TESPA1: variants seen among roughly 807,000 people sequenced by gnomAD.
TESPA1 encodes the protein thymocyte expressed, positive selection associated 1.
Under a neutral mutation model 57.9 loss-of-function variants are expected in TESPA1, and 33 were observed. The observed-to-expected ratio is 0.57, with a 90% CI of 0.43 to 0.76. The LOEUF is 0.76. Ranked by LOEUF, TESPA1 falls within the 30% of genes least tolerant of loss-of-function variation. The pLI, the probability that TESPA1 is intolerant of heterozygous loss-of-function variation, is 0.00. For synonymous variants in TESPA1, 227 were observed against 228.9 expected, an observed-to-expected ratio of 0.99 and a Z score of 0.07; for missense variants, 618 against 632.9, an observed-to-expected ratio of 0.98 and a Z score of 0.25.
chr12:54,967,822 A>G, intron 4 of TESPA1, 21 bp downstream of exon 4: 1 of 1,613,318 alleles, frequency 6.2e-7, no homozygotes, highest in Non-Finnish European at 8.5e-7. Flanking sequence ...AGAAAAATAG[A>G]TGGACAGAAC....
rs150513067 is a variant in TESPA1 at position 54,983,706 on chromosome 12, T to C, written c.-46+879A>G. On this transcript the variant is annotated intron_variant, in intron 1 of 10. Transcript: ENST00000449076. Reference sequence around the variant, plus strand: ...GCCCTGCCCTGGGGACCCACCCTTTTTCTTCCACCCACTGGTGAGCTTAGT... The same window carrying C: ...GCCCTGCCCTGGGGACCCACCCTTTCTCTTCCACCCACTGGTGAGCTTAGT... 3.9e-3 allele frequency among the ~76,000 whole-genome samples: 591 copies of C among 152,270 alleles called. 2 individuals are homozygous for C. The highest frequency in any genetic ancestry group is 0.013 in the African/African-American group (559 of 41,546).
intron 10 of TESPA1, among the ~76,000 whole-genome samples, chr12:54,956,082 A>G (rs971726481): frequency 3.3e-5 from 5 of 152,196 alleles, no homozygotes; most frequent in Non-Finnish European, 5.9e-5. Context: ...CCCTATATAT[A>G]TTGTTATTGG....
chr12:54,961,567 G>T (rs142406318), intron 9 of TESPA1, among the ~76,000 whole-genome samples: 124 of 152,336 alleles, frequency 8.1e-4, no homozygotes, highest in Non-Finnish European at 1.2e-3. Flanking sequence ...CATAGACCCA[G>T]GCGAGAGGAG....
chr12:54,955,970 TATC>T (rs1353675929), intron 10 of TESPA1, among the ~76,000 whole-genome samples: 1 of 151,896 alleles, frequency 6.6e-6, no homozygotes, highest in African/African-American at 2.4e-5. Flanking sequence ...ATGTGTCCAG[TATC>T]ATCATCTATA....
rs143414319 is a variant in TESPA1, at chr12:54,974,956, T to C, written c.-45-349A>G. On this transcript the variant is annotated intron_variant, in intron 1 of 10. Coordinates refer to ENST00000449076, the MANE Select transcript of TESPA1 (RefSeq NM_001136030.3). ...ATTTTTTCTTTAATCCTTAAGAATG[T>C]TGTCTACCAGAATCTTCCATTATGA... 5.4e-4 allele frequency among the ~76,000 whole-genome samples: 82 copies of C among 152,312 alleles called. No homozygotes were observed. In the Middle Eastern group the frequency reaches 0.01, roughly 19 times the overall value.
chr12:54,966,186 G>A (rs1260741162), intron 6 of TESPA1, 35 bp from the exon 7 acceptor site: 1 of 1,563,402 alleles, frequency 6.4e-7, no homozygotes, highest in African/African-American at 1.4e-5. Flanking sequence ...TACAAATCTT[G>A]TTTCCAGTCT....
chr12:54,971,854 C>T (rs1007293164), intron 3 of TESPA1, among the ~76,000 whole-genome samples: 19 of 151,752 alleles, frequency 1.3e-4, no homozygotes, highest in African/African-American at 4.6e-4. Context: ...AATTTTTTTT[C>T]TGATAAATAA....
intron 1 of TESPA1, among the ~76,000 whole-genome samples, chr12:54,983,444 T>A (rs1367469587): frequency 6.6e-6 from 1 of 152,154 alleles, no homozygotes; most frequent in African/African-American, 2.4e-5. Context: ...GTGAGATCTT[T>A]ATCTCTAATC....
Position 54,969,046 on chromosome 12 carries a change from T to TATATAC in TESPA1, c.207-1155_207-1154insGTATAT, listed in dbSNP as rs71070858. ...GTATATATATATATATATATATATA[T>TATATAC]GTGTGTGTGTAGATAGATAGATATA... On this transcript the variant is annotated intron_variant, in intron 3 of 10. Coordinates refer to ENST00000449076, the MANE Select transcript of TESPA1 (RefSeq NM_001136030.3). Among the ~76,000 whole-genome samples, 380 of 124,462 alleles carry TATATAC rather than the reference T, an allele frequency of 3.1e-3. 14 individuals carry two copies. The highest frequency in any genetic ancestry group is 6.4e-3 in the African/African-American group (206 of 32,020). 81.7% of individuals were successfully genotyped at this position (124,462 alleles called of 152,430 possible). A position where few individuals can be genotyped will look rare whatever the true frequency, so the allele number is the denominator to read the frequency against.
intron 9 of TESPA1, 126 bp downstream of exon 9, chr12:54,962,305 G>C (rs1331031955): frequency 2.7e-6 from 3 of 1,104,242 alleles, no homozygotes; most frequent in African/African-American, 1.6e-5. Flanking sequence ...AAATCAGAAA[G>C]TGGTATATCT....
At chr12:54,966,200 C>A in intron 6 of TESPA1, 49 bp from the exon 7 acceptor site, 1 of 1,564,486 alleles carries the variant, frequency 6.4e-7, no homozygotes, top group Non-Finnish European at 8.7e-7. Flanking sequence ...CCAGTCTGCA[C>A]CCTGGCTTCG....
chr12:54,951,849 GTT>G (rs199792981), intron 10 of TESPA1, among the ~76,000 whole-genome samples: 17 of 139,936 alleles, frequency 1.2e-4, no homozygotes, highest in African/African-American at 2.6e-4. Flanking sequence ...TTTCTAAGTT[GTT>G]TTTTTTTTTT....
intron 7 of TESPA1, among the ~76,000 whole-genome samples, chr12:54,964,808 G>A (rs1951321775): frequency 1.3e-5 from 2 of 152,174 alleles, no homozygotes; most frequent in South Asian, 4.1e-4. Context: ...CCCTATCTGT[G>A]AATTGTGGGC....
At chr12:54,962,407 C>T in intron 9 of TESPA1, 24 bp downstream of exon 9, 10 of 1,602,118 alleles carry the variant, frequency 6.2e-6, no homozygotes, top group Non-Finnish European at 8.5e-6. Context: ...CTGCCAGTCT[C>T]TCCCTCACCT....
chr12:54,955,461 G>GAA (rs111502155), intron 10 of TESPA1, among the ~76,000 whole-genome samples: 31,153 of 152,010 alleles, frequency 0.2, 5,421 homozygotes, highest in East Asian at 0.84. Flanking sequence ...AAAAATATGA[G>GAA]GTTTATTTTT....
intron 1 of TESPA1, among the ~76,000 whole-genome samples, chr12:54,976,979 T>G (rs759128299): frequency 4.6e-5 from 7 of 152,096 alleles, no homozygotes; most frequent in Non-Finnish European, 1.0e-4. Flanking sequence ...CACCCTGCAG[T>G]GTCCAGCTCT....
chr12:54,976,297 A>G (rs569840771), intron 1 of TESPA1, among the ~76,000 whole-genome samples: 189 of 152,328 alleles, frequency 1.2e-3, no homozygotes, highest in Middle Eastern at 3.4e-3. Flanking sequence ...AAAAAGTCTT[A>G]TCAGTTTGTT....
At position 54,948,879 on chromosome 12, in the gene TESPA1, C is replaced by A. The variant is rs1950222204; in HGVS notation, c.*1513G>T. On this transcript the variant is annotated 3_prime_UTR_variant, in exon 11 of 11. Coordinates refer to ENST00000449076, the MANE Select transcript of TESPA1 (RefSeq NM_001136030.3). ...TTTCTTCCTGACTTCAGGCCCTTGA[C>A]CTCCCTTAAGAATATTTGCTTTAGA... 6.6e-6 allele frequency: 1 copy of A among 152,340 alleles called. No individual in the cohort carries two copies. Among genetic ancestry groups the A allele is most frequent in the South Asian group, 2.1e-4 (1 of 4,832 alleles). The allele number at this position is 152,340 out of a possible 1,614,324, so 9.4% of individuals were successfully genotyped here. A position where few individuals can be genotyped will look rare whatever the true frequency, so the allele number is the denominator to read the frequency against.
chr12:54,970,043 C>T (rs1464187579), intron 3 of TESPA1, among the ~76,000 whole-genome samples: 1 of 152,160 alleles, frequency 6.6e-6, no homozygotes, highest in Non-Finnish European at 1.5e-5. Flanking sequence ...CCTCCTGCCT[C>T]AATCTCCTGA....
Sources: allele counts gnomAD v4.1 joint callset (sites outside exome capture counted in the v4.1 genomes callset), GRCh38; gene constraint gnomAD v4.1.1; transcripts MANE v1.5; gene names NCBI Gene and HGNC (gene_info 2026-07-23, HGNC 2026-07-21).